SLC24A2: variants seen among roughly 807,000 people sequenced by gnomAD.
SLC24A2 encodes the protein sodium/potassium/calcium exchanger 2.
A neutral mutation model predicts 62.0 loss-of-function variants in SLC24A2; 36 were observed. That is an observed-to-expected ratio of 0.58 (90% CI 0.44 to 0.77). The LOEUF is 0.77. Ranked by LOEUF, SLC24A2 falls within the 30% of genes least tolerant of loss-of-function variation. SLC24A2 has a pLI of 0.00. For missense variants in SLC24A2, 846 were observed against 817.9 expected, an observed-to-expected ratio of 1.03 and a Z score of -0.42; for synonymous variants, 358 against 294.0, an observed-to-expected ratio of 1.22 and a Z score of -2.23.
chr9:19,911,558 G>A, the SLC24A2 span, among the ~76,000 whole-genome samples: 16 of 152,120 alleles, frequency 1.1e-4, no homozygotes, highest in Non-Finnish European at 1.6e-4. Context: ...AACTGTTGTG[G>A]AATCAGGCAT....
the SLC24A2 span, among the ~76,000 whole-genome samples, chr9:19,832,253 C>G: frequency 6.6e-6 from 1 of 152,242 alleles, no homozygotes; most frequent in African/African-American, 2.4e-5. Flanking sequence ...TTAAAGAAAC[C>G]CATAATATAT....
the SLC24A2 span, among the ~76,000 whole-genome samples, chr9:20,041,570 C>T: frequency 2.6e-5 from 4 of 152,322 alleles, no homozygotes; most frequent in Admixed American, 6.5e-5. Context: ...TCATCAAAAT[C>T]AGTGGTGGGG....
At chr9:19,729,021 G>A (rs1315259961) in intron 2 of SLC24A2, among the ~76,000 whole-genome samples, 1 of 152,070 alleles carries the variant, frequency 6.6e-6, no homozygotes, top group Non-Finnish European at 1.5e-5. Context: ...AATGCCCATC[G>A]TTTCACCTTC....
At chr9:19,580,498 C>T (rs1036330165) in intron 5 of SLC24A2, among the ~76,000 whole-genome samples, 3 of 152,118 alleles carry the variant, frequency 2.0e-5, no homozygotes, top group Admixed American at 6.5e-5. Flanking sequence ...TATATGTGAG[C>T]GTGAAGGACC....
At chr9:20,281,421 C>T in the SLC24A2 span, among the ~76,000 whole-genome samples, 1 of 152,032 alleles carries the variant, frequency 6.6e-6, no homozygotes, top group South Asian at 2.1e-4. Context: ...TAACCAGCAC[C>T]CAGATCCAAA....
At chr9:20,072,832 G>A in the SLC24A2 span, among the ~76,000 whole-genome samples, 1 of 152,142 alleles carries the variant, frequency 6.6e-6, no homozygotes, top group Non-Finnish European at 1.5e-5. Context: ...ACAGCCTTCA[G>A]AAGGAAGCAG....
intron 7 of SLC24A2, among the ~76,000 whole-genome samples, chr9:19,561,053 G>A (rs955312356): frequency 2.0e-5 from 3 of 151,940 alleles, no homozygotes; most frequent in African/African-American, 7.3e-5. Context: ...AGCCTCCCGA[G>A]TAGCTGGGAT....
At chr9:19,624,664 A>G (rs995952063) in intron 2 of SLC24A2, among the ~76,000 whole-genome samples, 1 of 152,230 alleles carries the variant, frequency 6.6e-6, no homozygotes, top group Non-Finnish European at 1.5e-5. Context: ...TTTTCTTTCA[A>G]GTGTAATCTG....
At chr9:19,579,926 T>C (rs545794177) in intron 5 of SLC24A2, among the ~76,000 whole-genome samples, 9 of 152,304 alleles carry the variant, frequency 5.9e-5, no homozygotes, top group African/African-American at 2.2e-4. Context: ...GGGCTGGTTT[T>C]CCCCAAATCT....
chr9:19,696,864 C>T lies in SLC24A2; in HGVS notation c.931-74565G>A, dbSNP rs575936372. On this transcript the variant is annotated intron_variant, in intron 2 of 10. Transcript: ENST00000341998. ...TTCAAATATATAATTTAAATTTAAC[C>T]GTAATGGCATCATTTTAGAATTGAG... Among the ~76,000 whole-genome samples the T allele has an allele frequency of 5.9e-5, 9 of 151,988 alleles. No homozygotes were observed. The South Asian group carries it at 6.2e-4, about 11-fold the overall frequency.
At chr9:20,196,727 T>G in the SLC24A2 span, among the ~76,000 whole-genome samples, 2 of 152,210 alleles carry the variant, frequency 1.3e-5, no homozygotes, top group Non-Finnish European at 2.9e-5. Context: ...TTTCCCACCT[T>G]TTAAAATAAC....
the SLC24A2 span, among the ~76,000 whole-genome samples, chr9:20,075,514 T>G: frequency 6.6e-6 from 1 of 152,166 alleles, no homozygotes. Context: ...GACTGTAGGG[T>G]GACCCAAAGG....
chr9:19,856,144 G>T, the SLC24A2 span, among the ~76,000 whole-genome samples: 5 of 152,122 alleles, frequency 3.3e-5, no homozygotes, highest in East Asian at 9.6e-4. Context: ...GGTCATTTAT[G>T]TTCCTCTCTA....
intron 7 of SLC24A2, among the ~76,000 whole-genome samples, chr9:19,555,299 C>T (rs1441147155): frequency 6.6e-6 from 1 of 152,154 alleles, no homozygotes; most frequent in East Asian, 1.9e-4. Context: ...AATCTCAGCA[C>T]TAAGAAAAGT....
At chr9:19,986,891 T>C in the SLC24A2 span, among the ~76,000 whole-genome samples, 2 of 152,156 alleles carry the variant, frequency 1.3e-5, no homozygotes, top group African/African-American at 4.8e-5. Context: ...GTGATTGTAC[T>C]AAATGCCATT....
the SLC24A2 span, among the ~76,000 whole-genome samples, chr9:20,136,401 T>C: frequency 6.6e-6 from 1 of 152,086 alleles, no homozygotes; most frequent in East Asian, 1.9e-4. Flanking sequence ...GAAAAGTATA[T>C]GCAAAGGCAA....
chr9:20,022,040 A>G, the SLC24A2 span, among the ~76,000 whole-genome samples: 5 of 152,110 alleles, frequency 3.3e-5, no homozygotes, highest in Middle Eastern at 3.4e-3. Context: ...AATTTACTCT[A>G]TGTCTACTGC....
chr9:19,563,036 T>C (rs1056646060), intron 7 of SLC24A2, among the ~76,000 whole-genome samples: 43 of 152,166 alleles, frequency 2.8e-4, no homozygotes, highest in African/African-American at 9.4e-4. Context: ...AGCCCAGAAG[T>C]TGGAGGCTGC....
chr9:19,634,545 C>T lies in SLC24A2; in HGVS notation c.931-12246G>A, dbSNP rs143152467. Among the ~76,000 whole-genome samples, 1,364 of 152,242 alleles carry T rather than the reference C, an allele frequency of 9.0e-3. 24 individuals carry two copies. Among genetic ancestry groups the T allele is most frequent in the African/African-American group, 0.031 (1,297 of 41,544 alleles). ...TCAGGTGATCCGCCCACCTCGGCCT[C>T]CCAAAGTGCCGGGATTATAGGCCTG... On this transcript the variant is annotated intron_variant, in intron 2 of 10. Transcript: ENST00000341998.
Sources: gnomAD v4.1 joint callset for allele counts (sites outside exome capture counted in the v4.1 genomes callset) on GRCh38, gnomAD v4.1.1 for gene constraint, MANE v1.5 for transcripts, NCBI Gene and HGNC (gene_info 2026-07-23, HGNC 2026-07-21) for gene names.